Variants in PRKG1 observed in about 807,000 individuals in gnomAD.
The protein encoded by PRKG1 is protein kinase cGMP-dependent 1.
Under a neutral mutation model 88.1 loss-of-function variants are expected in PRKG1, and 35 were observed. That is an observed-to-expected ratio of 0.40 (90% confidence interval 0.30 to 0.53). PRKG1 has a LOEUF of 0.53. PRKG1 is among the 20% of genes least tolerant of loss of function. The probability of loss-of-function intolerance (pLI) is 0.59; values close to 1 mark genes in which losing one functional copy is unlikely to be tolerated. For missense variants in PRKG1, 540 were observed against 839.8 expected, an observed-to-expected ratio of 0.64 and a Z score of 4.41; for synonymous variants, 303 against 292.5, an observed-to-expected ratio of 1.04 and a Z score of -0.37.
chr10:51,023,650 A>C (rs972866346), intron 1 of PRKG1, among the ~76,000 whole-genome samples: 1 of 152,234 alleles, frequency 6.6e-6, no homozygotes, highest in African/African-American at 2.4e-5. Flanking sequence ...AAAGCACACA[A>C]AAAGCAGATT....
intron 3 of PRKG1, chr10:51,699,727 C>T (rs1485313019): frequency 1.6e-6 from 1 of 631,240 alleles, no homozygotes; most frequent in Non-Finnish European, 2.7e-6. Context: ...TTATCTAATG[C>T]TTTCAGTCCC....
At chr10:51,369,745 A>G (rs1212623174) in intron 2 of PRKG1, among the ~76,000 whole-genome samples, 2 of 151,960 alleles carry the variant, frequency 1.3e-5, no homozygotes, top group East Asian at 3.9e-4. Context: ...ACCTTTATTA[A>G]ATAGAGGGAT....
chr10:51,421,039 A>G (rs1443397239), intron 2 of PRKG1, among the ~76,000 whole-genome samples: 2 of 152,328 alleles, frequency 1.3e-5, no homozygotes, highest in East Asian at 3.9e-4. Context: ...TGGGGATTAC[A>G]ATTCAACATG....
intron 5 of PRKG1, among the ~76,000 whole-genome samples, chr10:51,936,787 G>T (rs749318826): frequency 6.6e-6 from 1 of 151,994 alleles, no homozygotes; most frequent in Non-Finnish European, 1.5e-5. Flanking sequence ...ATGACAAATA[G>T]AATTTACAAT....
At chr10:51,554,034 T>C (rs893456784) in intron 3 of PRKG1, among the ~76,000 whole-genome samples, 4 of 130,494 alleles carry the variant, frequency 3.1e-5, no homozygotes, top group East Asian at 2.2e-4. Context: ...GATACGTGTA[T>C]ATATTATATG....
chr10:52,204,855 G>C (rs1439778162), intron 9 of PRKG1, among the ~76,000 whole-genome samples: 1 of 152,168 alleles, frequency 6.6e-6, no homozygotes. Flanking sequence ...GAACAAGGGA[G>C]ATAAAGTCTG....
intron 5 of PRKG1, among the ~76,000 whole-genome samples, chr10:51,988,917 C>T: frequency 6.6e-6 from 1 of 151,868 alleles, no homozygotes; most frequent in Non-Finnish European, 1.5e-5. Flanking sequence ...TATGTTGTTG[C>T]CTTTTTTTTC....
At chr10:51,756,860 A>G (rs573128334) in intron 3 of PRKG1, among the ~76,000 whole-genome samples, 3 of 151,566 alleles carry the variant, frequency 2.0e-5, no homozygotes, top group African/African-American at 4.9e-5. Flanking sequence ...AAAAATAAAA[A>G]TATAAAAAGT....
intron 2 of PRKG1, among the ~76,000 whole-genome samples, chr10:51,362,598 A>G (rs1842504763): frequency 6.6e-6 from 1 of 151,864 alleles, no homozygotes; most frequent in African/African-American, 2.4e-5. Context: ...TTTAAATTAT[A>G]CTTTTAAGGA....
At chr10:51,606,034 A>C (rs1466308528) in intron 3 of PRKG1, among the ~76,000 whole-genome samples, 4 of 152,218 alleles carry the variant, frequency 2.6e-5, no homozygotes, top group African/African-American at 9.6e-5. Context: ...AACTTTAAAA[A>C]AATTTATCAT....
intron 4 of PRKG1, among the ~76,000 whole-genome samples, chr10:51,893,347 A>C (rs1005118691): frequency 7.2e-5 from 11 of 152,078 alleles, no homozygotes; most frequent in African/African-American, 2.7e-4. Flanking sequence ...TACTTTACAC[A>C]GACCAGGGTA....
intron 2 of PRKG1, among the ~76,000 whole-genome samples, chr10:51,321,088 A>T (rs1841442917): frequency 6.6e-6 from 1 of 152,026 alleles, no homozygotes; most frequent in Non-Finnish European, 1.5e-5. Context: ...TTTTGTTTAA[A>T]TTTTTTTTGT....
Position 51,133,839 on chromosome 10 carries a change from T to C in PRKG1, c.312-19325T>C, listed in dbSNP as rs151335403. The stretch of plus-strand genomic sequence containing the variant: ...GTAGATGTGTATTGTATGCATTTTG[T>C]GAAAAAATATATTAAAAAGATAAAT... On this transcript the variant is annotated intron_variant, in intron 1 of 17. Transcript: ENST00000373980. Among the ~76,000 whole-genome samples, 10 of 152,280 alleles carry C rather than the reference T, an allele frequency of 6.6e-5. No individual in the cohort carries two copies. In the East Asian group the frequency reaches 1.7e-3, roughly 26 times the overall value.
chr10:51,273,473 A>T (rs1466497339), intron 2 of PRKG1, among the ~76,000 whole-genome samples: 2 of 152,128 alleles, frequency 1.3e-5, no homozygotes, highest in African/African-American at 4.8e-5. Flanking sequence ...ACAGTGAGCC[A>T]TGATCGCGCC....
intron 3 of PRKG1, among the ~76,000 whole-genome samples, chr10:51,555,397 CA>C (rs1837284526): frequency 6.6e-6 from 1 of 151,326 alleles, no homozygotes; most frequent in African/African-American, 2.4e-5. Flanking sequence ...CTTGAGAAAC[CA>C]AACTTAAGAA....
At chr10:51,205,589 G>T (rs1230252824) in intron 2 of PRKG1, among the ~76,000 whole-genome samples, 1 of 151,992 alleles carries the variant, frequency 6.6e-6, no homozygotes, top group Non-Finnish European at 1.5e-5. Flanking sequence ...TAGCTGGAGT[G>T]CAGTGGTACA....
intron 1 of PRKG1, among the ~76,000 whole-genome samples, chr10:51,149,535 T>C (rs1846015482): frequency 6.6e-6 from 1 of 152,156 alleles, no homozygotes; most frequent in Non-Finnish European, 1.5e-5. Context: ...TTTATTTTTC[T>C]AAAATTGAAC....
At chr10:52,031,035 C>T (rs533615554) in intron 5 of PRKG1, among the ~76,000 whole-genome samples, 2 of 152,068 alleles carry the variant, frequency 1.3e-5, no homozygotes, top group South Asian at 4.2e-4. Flanking sequence ...GTCACTAACT[C>T]AGATCCATTA....
intron 3 of PRKG1, among the ~76,000 whole-genome samples, chr10:51,497,291 C>T (rs2132884356): frequency 6.6e-6 from 1 of 152,134 alleles, no homozygotes; most frequent in South Asian, 2.1e-4. Flanking sequence ...CTTAACAGTC[C>T]TTGGACACCC....
Sources: allele counts gnomAD v4.1 joint callset (sites outside exome capture counted in the v4.1 genomes callset), GRCh38; gene constraint gnomAD v4.1.1; transcripts MANE v1.5; gene names NCBI Gene and HGNC (gene_info 2026-07-23, HGNC 2026-07-21).